Variants in EML1 observed in about 807,000 individuals in gnomAD.
EML1 encodes the protein echinoderm microtubule-associated protein-like 1.
Under a neutral mutation model 110.4 loss-of-function variants are expected in EML1, and 27 were observed. The ratio of observed to expected loss-of-function variants is 0.24; its 90% CI spans 0.18 to 0.34. EML1 has a LOEUF of 0.34. EML1 is among the 10% of genes least tolerant of loss of function. The pLI is 1.00. For synonymous variants in EML1, 344 were observed against 385.8 expected, an observed-to-expected ratio of 0.89 and a Z score of 1.27; for missense variants, 741 against 1,030.9, an observed-to-expected ratio of 0.72 and a Z score of 3.85.
At chr14:99,845,910 G>A (rs965567246) in intron 1 of EML1, among the ~76,000 whole-genome samples, 7 of 151,810 alleles carry the variant, frequency 4.6e-5, no homozygotes, top group African/African-American at 1.2e-4. Flanking sequence ...ATTAGCCGGC[G>A]TTGGTGGCAG....
chr14:99,782,442 G>A (rs2057550683), intron 1 of EML1, among the ~76,000 whole-genome samples: 1 of 152,094 alleles, frequency 6.6e-6, no homozygotes, highest in Non-Finnish European at 1.5e-5. Context: ...GCTCCCCTCT[G>A]AGCTGTGAGA....
chr14:99,815,986 G>T (rs1373318213), intron 1 of EML1, among the ~76,000 whole-genome samples: 1 of 152,160 alleles, frequency 6.6e-6, no homozygotes, highest in East Asian at 1.9e-4. Context: ...AGCTGCTGTT[G>T]TTCAGAGCAC....
rs765125630 is a variant in EML1 at position 99,936,042 on chromosome 14, A to T, written c.1923A>T (p.Leu641Phe). 5 of 1,614,032 alleles carry T rather than the reference A, an allele frequency of 3.1e-6. No homozygotes were observed. The East Asian group carries it at 8.9e-5, about 29-fold the overall frequency. The change falls in exon 18 of 22, where the codon TTA becomes TTT. Residue 641 changes from leucine (L) to phenylalanine (F), a missense_variant. Leu to Phe is a conservative substitution (Grantham distance 22, BLOSUM62 0). Transcript: ENST00000262233. The surrounding 1 kb of genome is among the most constrained non-coding windows in gnomAD (Gnocchi z 5.5). ...VMRYSPDGNF[L>F]AIGSHDNCIY... ...ATCTTTTTATAGATGGGAATTTCTT[A>T]GCCATAGGCTCACATGACAACTGCA...
At chr14:99,927,255 G>A (rs2060251407) in intron 17 of EML1, among the ~76,000 whole-genome samples, 2 of 152,126 alleles carry the variant, frequency 1.3e-5, no homozygotes, top group African/African-American at 4.8e-5. Context: ...TAATCCATAG[G>A]TGTTCTCTCT....
intron 15 of EML1, chr14:99,915,131 A>G (rs979803432): frequency 5.0e-5 from 11 of 221,424 alleles, no homozygotes; most frequent in Non-Finnish European, 8.7e-5. Flanking sequence ...TTTGAAAGTC[A>G]GCTGGGCACG....
chr14:99,850,776 C>A (rs2058783012), intron 1 of EML1, 77 bp from the exon 2 acceptor site: 3 of 1,484,362 alleles, frequency 2.0e-6, no homozygotes, highest in African/African-American at 2.8e-5. Context: ...CTTAAAACAG[C>A]ATGCTAGATA....
intron 2 of EML1, among the ~76,000 whole-genome samples, chr14:99,864,610 G>A (rs949669980): frequency 1.3e-5 from 2 of 151,796 alleles, no homozygotes; most frequent in African/African-American, 4.8e-5. Flanking sequence ...TCAGGAGTTC[G>A]AGACCAGCCT....
chr14:99,827,755 T>C lies in EML1; in HGVS notation c.68-23098T>C, dbSNP rs1021341462. On this transcript the variant is annotated intron_variant, in intron 1 of 21. Coordinates refer to ENST00000262233, the MANE Select transcript of EML1 (RefSeq NM_004434.3). This position sits in a 1 kb window ranked among gnomAD's most constrained non-coding sequence, Gnocchi z 4.4. ...TGACCTTGATCTCAGGAAGCTAAACTTGATCTCAGATGTCCAGCCTCCAGG... is the reference window on the plus strand; with the variant it reads ...TGACCTTGATCTCAGGAAGCTAAACCTGATCTCAGATGTCCAGCCTCCAGG... 6.6e-6 allele frequency among the ~76,000 whole-genome samples: 1 copy of C among 152,114 alleles called. No homozygotes were observed. The highest frequency in any genetic ancestry group is 6.5e-5 in the Admixed American group (1 of 15,270).
intron 8 of EML1, among the ~76,000 whole-genome samples, chr14:99,900,155 C>T (rs754656945): frequency 6.7e-6 from 1 of 149,994 alleles, no homozygotes; most frequent in African/African-American, 2.5e-5. Context: ...ATAATTGATG[C>T]CTGTTTTGCC....
chr14:99,930,727 GATTGA>G (rs1260927590), intron 17 of EML1, among the ~76,000 whole-genome samples: 4 of 152,102 alleles, frequency 2.6e-5, no homozygotes, highest in Admixed American at 2.6e-4. Flanking sequence ...ATGGAGTTTT[GATTGA>G]ATTAAGATTG....
intron 1 of EML1, among the ~76,000 whole-genome samples, chr14:99,766,585 G>A (rs2057371468): frequency 6.6e-6 from 1 of 152,152 alleles, no homozygotes; most frequent in Non-Finnish European, 1.5e-5. Flanking sequence ...AACAGCAGCT[G>A]AGGAAGACTA....
intron 3 of EML1, among the ~76,000 whole-genome samples, chr14:99,870,588 T>C (rs1460250501): frequency 6.6e-6 from 1 of 152,202 alleles, no homozygotes; most frequent in Non-Finnish European, 1.5e-5. Flanking sequence ...ACAGACTGAC[T>C]CTTGTTAGGG....
intron 1 of EML1, among the ~76,000 whole-genome samples, chr14:99,740,686 G>T (rs1310359605): frequency 2.6e-5 from 4 of 152,166 alleles, no homozygotes. Flanking sequence ...ACAGTTGCCT[G>T]CATTCTAGGC....
intron 3 of EML1, among the ~76,000 whole-genome samples, chr14:99,876,724 G>A (rs2059298521): frequency 6.6e-6 from 1 of 152,160 alleles, no homozygotes; most frequent in African/African-American, 2.4e-5. Context: ...GTCTGTGTGT[G>A]TTCCCAGAGC....
intron 1 of EML1, among the ~76,000 whole-genome samples, chr14:99,754,277 G>A (rs190805978): frequency 1.6e-4 from 24 of 152,364 alleles, no homozygotes; most frequent in African/African-American, 4.6e-4. Flanking sequence ...TGTCTCAGGC[G>A]GTGACATCAC....
rs55647246 is a variant in EML1, at chr14:99,753,203, C to CCT, written c.28+15343_28+15344insCT. Among the ~76,000 whole-genome samples the CCT allele has an allele frequency of 1.3e-3, 152 of 117,510 alleles. 6 individuals carry two copies. The East Asian group carries it at 0.039, about 30-fold the overall frequency. 77.1% of individuals were successfully genotyped at this position (117,510 alleles called of 152,430 possible). A position where few individuals can be genotyped will look rare whatever the true frequency, so the allele number is the denominator to read the frequency against. On this transcript the variant is annotated intron_variant, in intron 1 of 10. Transcript: ENST00000554479. ...CCCCTACCCGCACCCCCCGCCCCCC[C>CCT]GCCGCCCCCCCACCCCCCACTGCCC... is the stretch of plus-strand genomic sequence containing the variant.
chr14:99,934,050 G>A (rs537955774), intron 17 of EML1, among the ~76,000 whole-genome samples: 17 of 152,276 alleles, frequency 1.1e-4, no homozygotes, highest in African/African-American at 3.6e-4. Context: ...AGCTGAGATC[G>A]TGCCATTACA....
intron 3 of EML1, among the ~76,000 whole-genome samples, chr14:99,876,323 T>C (rs28662896): frequency 0.011 from 1,654 of 152,238 alleles, 37 homozygotes; most frequent in African/African-American, 0.037. Flanking sequence ...GCGTGCTCCT[T>C]GTTGAGATCT....
At chr14:99,900,181 CTTTTTTTT>C (rs3071437) in intron 8 of EML1, among the ~76,000 whole-genome samples, 96 of 106,620 alleles carry the variant, frequency 9.0e-4, no homozygotes, top group Middle Eastern at 5.8e-3. Flanking sequence ...ATATTAAGCT[CTTTTTTTT>C]TTTTTTTTTT....
Sources: gnomAD v4.1 joint callset for allele counts (sites outside exome capture counted in the v4.1 genomes callset) on GRCh38, gnomAD v4.1.1 for gene constraint, Gnocchi (gnomAD v3.1) non-coding constraint, MANE v1.5 for transcripts, NCBI Gene and HGNC (gene_info 2026-07-23, HGNC 2026-07-21) for gene names.